Variants in GABRA4 observed in about 807,000 individuals in gnomAD.
The protein encoded by GABRA4 is gamma-aminobutyric acid type A receptor subunit alpha4.
In GABRA4, 12 loss-of-function variants were observed where a neutral mutation model predicts 49.7. The observed-to-expected ratio is 0.24, with a 90% confidence interval of 0.15 to 0.39. The LOEUF (loss-of-function observed/expected upper bound fraction) is 0.39. Among genes scored for constraint, GABRA4 ranks in the 10% least tolerant of loss-of-function variants. The probability of loss-of-function intolerance (pLI) is 1.00; values close to 1 mark genes in which losing one functional copy is unlikely to be tolerated. For missense variants in GABRA4, 506 were observed against 686.0 expected, an observed-to-expected ratio of 0.74 and a Z score of 2.93; for synonymous variants, 288 against 240.2, an observed-to-expected ratio of 1.20 and a Z score of -1.84.
rs771538734 is a variant in GABRA4, at chr4:46,952,819, C to A, written c.1134+12151G>T. Among the ~76,000 whole-genome samples, 5 of 151,126 alleles carry A rather than the reference C, an allele frequency of 3.3e-5. No homozygotes were observed. In the South Asian group the frequency reaches 6.3e-4, roughly 19 times the overall value. On this transcript the variant is annotated intron_variant, in intron 8 of 8. Transcript: ENST00000264318. ...AAGAAGTGCTGGCCCACTCACATTGCGATATAAATGGAAAAAAAAGATTAT... is the reference window on the plus strand; with the variant it reads ...AAGAAGTGCTGGCCCACTCACATTGAGATATAAATGGAAAAAAAAGATTAT...
chr4:46,928,068 G>T lies in GABRA4; in HGVS notation c.*157C>A, dbSNP rs1049763099. The stretch of plus-strand genomic sequence containing the variant: ...AAACATAGTTCACTTTTTCACTCAG[G>T]AATTAATTAACTCTCCCAATAACTG... On this transcript the variant is annotated 3_prime_UTR_variant, in exon 9 of 9. Transcript: ENST00000264318. 17 of 610,800 alleles carry T rather than the reference G, an allele frequency of 2.8e-5. No individual in the cohort carries two copies. Among genetic ancestry groups the T allele is most frequent in the Middle Eastern group, 4.6e-4 (1 of 2,180 alleles). The allele number at this position is 610,800 out of a possible 1,614,324, so 37.8% of individuals were successfully genotyped here.
chr4:46,988,367 T>C (rs1374266181), intron 2 of GABRA4, among the ~76,000 whole-genome samples: 1 of 152,154 alleles, frequency 6.6e-6, no homozygotes, highest in Non-Finnish European at 1.5e-5. Flanking sequence ...TGACATACAG[T>C]GGTCTCTCAA....
At chr4:46,980,100 A>G (rs949722536) in intron 2 of GABRA4, among the ~76,000 whole-genome samples, 3 of 152,140 alleles carry the variant, frequency 2.0e-5, no homozygotes, top group Non-Finnish European at 4.4e-5. Context: ...GATATTAATG[A>G]GTATTAATTG....
In GABRA4 at chr4:46,928,520, G is replaced by T. The variant is rs768902757; in HGVS notation, c.1370C>A (p.Thr457Asn). 3 of 1,613,576 alleles carry T rather than the reference G, an allele frequency of 1.9e-6. No individual in the cohort carries two copies. The highest frequency in any genetic ancestry group is 2.5e-6 in the Non-Finnish European group (3 of 1,179,758). ...AARALPSASP[T>N]SIRTGYMPRK... ...AGGCATATATCCAGTTCGGATAGAA[G>T]TAGGAGAAGCAGATGGAAGTGCTCT... is the stretch of plus-strand genomic sequence containing the variant. Residue 457 changes from threonine to asparagine, a missense_variant, in exon 9 of 9, where the codon ACT becomes AAT. Thr to Asn is a moderately conservative substitution (Grantham distance 65, BLOSUM62 0). Coordinates refer to ENST00000264318, the MANE Select transcript of GABRA4 (RefSeq NM_000809.4).
intron 8 of GABRA4, among the ~76,000 whole-genome samples, chr4:46,952,268 G>T (rs1057306215): frequency 6.6e-6 from 1 of 152,006 alleles, no homozygotes; most frequent in Admixed American, 6.6e-5. Flanking sequence ...ATTATTCATC[G>T]TGGCAGCAAA....
chr4:46,976,941 G>A (rs148904877), intron 5 of GABRA4, 120 bp downstream of exon 5: 51 of 560,598 alleles, frequency 9.1e-5, no homozygotes, highest in African/African-American at 1.6e-4. Context: ...AAATAAAACC[G>A]GACAGTTTTT....
Position 46,992,954 on chromosome 4 carries a change from C to CTA in GABRA4, c.87-9_87-8insTA. On this transcript the variant is annotated splice_polypyrimidine_tract_variant and intron_variant, in intron 1 of 8. Transcript: ENST00000264318. ...CCTGGGGATTCGTTTAAACTGCAAGCGAAAAAAAAAAAACCGGGGGCGGAG... is the reference window on the plus strand; with the variant it reads ...CCTGGGGATTCGTTTAAACTGCAAGCTAGAAAAAAAAAAAACCGGGGGCGGAG... 5 of 1,399,136 alleles carry CTA rather than the reference C, an allele frequency of 3.6e-6. No individual in the cohort carries two copies. Among genetic ancestry groups the CTA allele is most frequent in the Non-Finnish European group, 4.9e-6 (5 of 1,026,508 alleles). The allele number at this position is 1,399,136 out of a possible 1,614,324, so 86.7% of individuals were successfully genotyped here.
intron 7 of GABRA4, among the ~76,000 whole-genome samples, chr4:46,968,774 T>A (rs2109381378): frequency 6.6e-6 from 1 of 151,668 alleles, no homozygotes; most frequent in African/African-American, 2.4e-5. Context: ...CCCACACCAC[T>A]GGAAATTTCT....
intron 7 of GABRA4, among the ~76,000 whole-genome samples, chr4:46,969,672 T>C (rs751465045): frequency 4.0e-5 from 6 of 151,526 alleles, no homozygotes; most frequent in Non-Finnish European, 7.4e-5. Flanking sequence ...TTGAGAACGA[T>C]ACATAACTTT....
chr4:46,971,936 A>G (rs555162097), intron 6 of GABRA4, among the ~76,000 whole-genome samples: 17 of 150,896 alleles, frequency 1.1e-4, no homozygotes, highest in African/African-American at 3.6e-4. Context: ...ACAATAAACC[A>G]TAAGATTTCT....
chr4:46,934,655 T>A (rs1577745419), intron 8 of GABRA4, among the ~76,000 whole-genome samples: 1 of 152,212 alleles, frequency 6.6e-6, no homozygotes, highest in East Asian at 1.9e-4. Context: ...AAAAGAAATC[T>A]TAAAGAATCC....
chr4:46,992,526 C>T, intron 2 of GABRA4: 1 of 402,940 alleles, frequency 2.5e-6, no homozygotes, highest in Non-Finnish European at 4.5e-6. Flanking sequence ...AGCGTCCAGG[C>T]AGCTGAGCCC....
In GABRA4 at chr4:46,926,513, C is replaced by A. The variant is rs1721234628; in HGVS notation, c.*1712G>T. The stretch of plus-strand genomic sequence containing the variant: ...CACAATTTTCAGGTATCAAAAACAA[C>A]CATTATAAGGTAGTGCAATATCTGA... On this transcript the variant is annotated 3_prime_UTR_variant, in exon 9 of 9. Transcript: ENST00000264318. 6.6e-6 allele frequency: 1 copy of A among 151,854 alleles called. No homozygotes were observed. The highest frequency in any genetic ancestry group is 2.1e-4 in the South Asian group (1 of 4,822). The allele number at this position is 151,854 out of a possible 1,614,324, so 9.4% of individuals were successfully genotyped here.
chr4:46,960,323 C>G (rs372547243), intron 8 of GABRA4, among the ~76,000 whole-genome samples: 19 of 151,482 alleles, frequency 1.3e-4, no homozygotes, highest in African/African-American at 4.4e-4. Flanking sequence ...AACATGATCT[C>G]ATAAAATCAG....
intron 2 of GABRA4, among the ~76,000 whole-genome samples, chr4:46,988,123 A>T (rs564636833): frequency 6.6e-6 from 1 of 152,098 alleles, no homozygotes; most frequent in East Asian, 1.9e-4. Context: ...TACTCTTTTC[A>T]TGTCTGACAC....
rs1208889018 is a variant in GABRA4, at chr4:46,921,639, GTGGTCATATCAGTAAAAGATACTC to G, written c.*6562_*6585del. On this transcript the variant is annotated 3_prime_UTR_variant, in exon 9 of 9. Transcript: ENST00000264318. ...AGAAGGTAAAAGCCATGTAGCTCTG[GTGGTCATATCAGTAAAAGATACTC>G]TGGTCAATCCCTGGTCTATTGGAAG... The G allele has an allele frequency of 6.6e-6, 1 of 151,972 alleles. No individual in the cohort carries two copies. The highest frequency in any genetic ancestry group is 1.5e-5 in the Non-Finnish European group (1 of 67,970). 9.4% of individuals were successfully genotyped at this position (151,972 alleles called of 1,614,324 possible). A position where few individuals can be genotyped will look rare whatever the true frequency, so the allele number is the denominator to read the frequency against.
intron 8 of GABRA4, among the ~76,000 whole-genome samples, chr4:46,961,314 C>T (rs1401154022): frequency 6.6e-6 from 1 of 151,872 alleles, no homozygotes; most frequent in African/African-American, 2.4e-5. Context: ...CTTCAGCTGG[C>T]ATCTCTCTGA....
At chr4:46,939,178 C>T (rs1721707940) in intron 8 of GABRA4, among the ~76,000 whole-genome samples, 2 of 151,990 alleles carry the variant, frequency 1.3e-5, no homozygotes, top group South Asian at 2.1e-4. Context: ...CAGACCGATA[C>T]TCTTCCTCGT....
At chr4:46,957,214 C>T (rs1195549064) in intron 8 of GABRA4, among the ~76,000 whole-genome samples, 1 of 151,672 alleles carries the variant, frequency 6.6e-6, no homozygotes, top group African/African-American at 2.4e-5. Context: ...CCTCAAGATC[C>T]TAGAGCTCGG....
Sources: allele counts gnomAD v4.1 joint callset (sites outside exome capture counted in the v4.1 genomes callset), GRCh38; gene constraint gnomAD v4.1.1; transcripts MANE v1.5; gene names NCBI Gene and HGNC (gene_info 2026-07-23, HGNC 2026-07-21).